The following TTC16 variants were observed in gnomAD, a reference collection of about 807,000 sequenced individuals.
TTC16 encodes tetratricopeptide repeat domain 16, also known as tetratricopeptide repeat protein 16.
Under a neutral mutation model 80.4 loss-of-function variants are expected in TTC16, and 66 were observed. The ratio of observed to expected loss-of-function variants is 0.82; its 90% CI spans 0.67 to 1.01. TTC16 has a LOEUF of 1.01. Ranked by LOEUF, TTC16 falls within the 50% of genes least tolerant of loss-of-function variation. The probability of loss-of-function intolerance (pLI) is 0.00; values close to 1 mark genes in which losing one functional copy is unlikely to be tolerated. For missense variants in TTC16, 1,070 were observed against 1,103.2 expected (o/e 0.97, Z 0.43); for synonymous variants, 438 against 451.3 (o/e 0.97, Z 0.37).
At chr9:127,723,024 G>A in intron 6 of TTC16, 95 bp from the exon 7 acceptor site, 2 of 1,250,646 alleles carry the variant, frequency 1.6e-6, no homozygotes, top group South Asian at 1.3e-5. Context: ...GGGCACGGAG[G>A]AGGCATGGTG....
At position 127,723,175 on chromosome 9, in the gene TTC16, G is replaced by A. The variant is rs143100425; in HGVS notation, c.714G>A (p.Pro238=). 5.6e-5 allele frequency: 90 copies of A among 1,612,522 alleles called. No individual in the cohort carries two copies. Among genetic ancestry groups the A allele is most frequent in the Middle Eastern group, 3.3e-4 (2 of 6,072 alleles). The change falls in exon 7 of 14, where the codon CCG becomes CCA. Residue 238 remains proline (P), a synonymous_variant. Coordinates refer to ENST00000373289, the MANE Select transcript of TTC16 (RefSeq NM_144965.3). The part of the protein sequence containing the change: ...HSALLLNPKH[P]QARMLLQKMV... ...CCTTGCTGTTGAATCCCAAGCACCC[G>A]CAGGCCAGGATGCTGCTCCAGAAGA...
At chr9:127,716,362 C>T in intron 1 of TTC16, 199 bp downstream of exon 1, 1 of 762,618 alleles carries the variant, frequency 1.3e-6, no homozygotes, top group South Asian at 1.7e-5. Flanking sequence ...AGGTCTCTGG[C>T]TTGGGTAGCT....
Position 127,730,942 on chromosome 9 carries a change from C to A in TTC16, c.2159C>A (p.Ser720Tyr), listed in dbSNP as rs1412981018. 1.2e-6 allele frequency: 2 copies of A among 1,613,518 alleles called. No homozygotes were observed. The highest frequency in any genetic ancestry group is 1.7e-6 in the Non-Finnish European group (2 of 1,179,968). Residue 720 changes from serine to tyrosine, a missense_variant, in exon 14 of 14, where the codon TCC becomes TAC. Coordinates refer to ENST00000373289, the MANE Select transcript of TTC16 (RefSeq NM_144965.3). Reference sequence around the variant, plus strand: ...GCCACCCAAAGCCAGAGGCGGAACTCCAGCAAGACCAGGGCCACCCAGGGC... The same window carrying A: ...GCCACCCAAAGCCAGAGGCGGAACTACAGCAAGACCAGGGCCACCCAGGGC... ...TKATQSQRRN[S>Y]SKTRATQGQG...
At chr9:127,721,784 A>G (rs906221850) in intron 6 of TTC16, among the ~76,000 whole-genome samples, 6 of 151,852 alleles carry the variant, frequency 4.0e-5, no homozygotes, top group Admixed American at 1.3e-4. Context: ...GCTCACCACA[A>G]CCTCTACCGG....
intron 12 of TTC16, chr9:127,729,377 G>A (rs1436288215): frequency 7.4e-6 from 4 of 543,248 alleles, no homozygotes; most frequent in South Asian, 2.3e-5. Flanking sequence ...CCGTTCTCAC[G>A]GCACCATGCC....
chr9:127,720,759 C>G (rs1366135838), intron 6 of TTC16, among the ~76,000 whole-genome samples: 1 of 150,988 alleles, frequency 6.6e-6, no homozygotes, highest in East Asian at 2.0e-4. Context: ...AAGCCACACA[C>G]CAGGGCACCC....
At position 127,717,384 on chromosome 9, in the gene TTC16, T is replaced by C. The variant is rs1246550240; in HGVS notation, c.242T>C (p.Val81Ala). 6.2e-7 allele frequency: 1 copy of C among 1,613,212 alleles called. No individual in the cohort carries two copies. Reference protein sequence around the residue: ...CLEQADWETAVLLFSRALHLD... With the variant: ...CLEQADWETAALLFSRALHLD... The stretch of plus-strand genomic sequence containing the variant: ...GAGCAGGCAGACTGGGAGACAGCTG[T>C]GCTGCTCTTCTCCCGCGCACTCCAC... The change falls in exon 3 of 14, where the codon GTG becomes GCG. Residue 81 changes from valine (V) to alanine (A), a missense_variant. By Grantham distance (64) the Val-to-Ala change is moderately conservative. Coordinates refer to ENST00000373289, the MANE Select transcript of TTC16 (RefSeq NM_144965.3).
rs1171819786 is a variant in TTC16 at position 127,716,900 on chromosome 9, T to C, written c.75T>C (p.Ile25=). The C allele has an allele frequency of 6.2e-7, 1 of 1,613,990 alleles. No homozygotes were observed. ...GGGACATCCCAAAGCCATGGGTGATTCCAGCCCCCAAAGGGATCCTGCAGC... is the reference window on the plus strand; with the variant it reads ...GGGACATCCCAAAGCCATGGGTGATCCCAGCCCCCAAAGGGATCCTGCAGC... ...PSRDIPKPWV[I]PAPKGILQHI... Residue 25 remains isoleucine, a synonymous_variant, in exon 2 of 14, where the codon ATT becomes ATC. Transcript: ENST00000373289.
chr9:127,717,346 CCAGCA>C lies in TTC16; in HGVS notation c.205_209del (p.Gln69ValfsTer33). 1 of 1,611,342 alleles carries C rather than the reference CCAGCA, an allele frequency of 6.2e-7. No homozygotes were observed. ...ACTTTCCCCACAGCTACTCCAGAGGCCAGCAGTGCTTGGAGCAGGCAGACTGGGAG... is the reference window on the plus strand; with the variant it reads ...ACTTTCCCCACAGCTACTCCAGAGGCGTGCTTGGAGCAGGCAGACTGGGAG... On this transcript the variant is annotated frameshift_variant, in exon 3 of 14. Transcript: ENST00000373289. LOFTEE classifies it high-confidence loss of function.
intron 7 of TTC16, 116 bp downstream of exon 7, chr9:127,723,449 T>A: frequency 2.0e-6 from 2 of 998,408 alleles, no homozygotes; most frequent in Non-Finnish European, 3.0e-6. Flanking sequence ...AGCTAGCCTC[T>A]AACAGTCTTT....
chr9:127,730,475 G>A, intron 13 of TTC16, 161 bp from the exon 14 acceptor site: 1 of 1,068,830 alleles, frequency 9.4e-7, no homozygotes, highest in Admixed American at 2.9e-5. Flanking sequence ...TCAGGGTCTG[G>A]GTCGCTGGGG....
rs751408787 is a variant in TTC16 at position 127,727,387 on chromosome 9, G to A, written c.1686G>A (p.Pro562=). 5.6e-6 allele frequency: 9 copies of A among 1,611,450 alleles called. No individual in the cohort carries two copies. The highest frequency in any genetic ancestry group is 1.1e-5 in the South Asian group (1 of 90,814). ...SEELKATPEI[P]QVKPGSSEGE... ...AGCTGAAGGCCACCCCTGAGATTCC[G>A]CAGGTAAAACCGGGAAGCTCAGAGG... The change falls in exon 12 of 14, where the codon CCG becomes CCA. Residue 562 remains proline (P), a synonymous_variant. Transcript: ENST00000373289.
At position 127,723,184 on chromosome 9, in the gene TTC16, G is replaced by A. The variant is rs1843637626; in HGVS notation, c.723G>A (p.Arg241=). ...TGAATCCCAAGCACCCGCAGGCCAG[G>A]ATGCTGCTCCAGAAGATGGTGGCCC... ...LLLNPKHPQA[R]MLLQKMVAQA... Residue 241 remains arginine, a synonymous_variant, in exon 7 of 14, where the codon AGG becomes AGA. Transcript: ENST00000373289. 9 of 1,612,698 alleles carry A rather than the reference G, an allele frequency of 5.6e-6. No homozygotes were observed. The highest frequency in any genetic ancestry group is 6.8e-6 in the Non-Finnish European group (8 of 1,180,034).
rs369545979 is a variant in TTC16, at chr9:127,723,268, C to T, written c.807C>T (p.His269=). The change falls in exon 7 of 14, where the codon CAC becomes CAT. Residue 269 remains histidine (H), a synonymous_variant. Transcript: ENST00000373289. ...GILAVQGKLQ[H]ALQRINRAIE... is the part of the protein sequence containing the mutation. ...TGGCTGTGCAGGGCAAGCTGCAGCA[C>T]GCACTGCAGCGGATCAACCGTGCCA... 1.7e-5 allele frequency: 28 copies of T among 1,612,968 alleles called. No homozygotes were observed. In the African/African-American group the frequency reaches 2.3e-4, roughly 13 times the overall value.
chr9:127,726,822 C>T, intron 10 of TTC16, 148 bp from the exon 11 acceptor site: 1 of 421,840 alleles, frequency 2.4e-6, no homozygotes. Flanking sequence ...AAAAAAAAAA[C>T]AAACAAGCAA....
In TTC16 at chr9:127,718,046, G is replaced by A. The variant is rs1418142642; in HGVS notation, c.426+274G>A. Among the ~76,000 whole-genome samples, 1 of 152,204 alleles carries A rather than the reference G, an allele frequency of 6.6e-6. No individual in the cohort carries two copies. The highest frequency in any genetic ancestry group is 1.5e-5 in the Non-Finnish European group (1 of 68,036). On this transcript the variant is annotated intron_variant, in intron 4 of 13. Transcript: ENST00000373289. This position sits in a 1 kb window ranked among gnomAD's most constrained non-coding sequence, Gnocchi z 4.6. Reference sequence around the variant, plus strand: ...GTTGAGCCCTTGAAATGTGGCAAGTGTGACTAAAGAACTGAATTTTATATC... The same window carrying A: ...GTTGAGCCCTTGAAATGTGGCAAGTATGACTAAAGAACTGAATTTTATATC...
Position 127,727,427 on chromosome 9 carries a change from C to A in TTC16, c.1726C>A (p.Pro576Thr). The A allele has an allele frequency of 3.1e-6, 5 of 1,605,792 alleles. No individual in the cohort carries two copies. The highest frequency in any genetic ancestry group is 4.2e-6 in the Non-Finnish European group (5 of 1,176,800). Residue 576 changes from proline to threonine, a missense_variant, in exon 12 of 14, where the codon CCT (proline) becomes ACT (threonine). Transcript: ENST00000373289. ...AAGCTCAGAGGGAGAGGCTGAGGCC[C>A]CTGAGGAGGAGGAAGAAAAGGAGAA... is the stretch of plus-strand genomic sequence containing the variant. ...PGSSEGEAEAPEEEEEKEKEK... is the reference protein window; with the variant it reads ...PGSSEGEAEATEEEEEKEKEK...
At chr9:127,729,366 A>G in intron 12 of TTC16, 4 of 540,582 alleles carry the variant, frequency 7.4e-6, no homozygotes, top group South Asian at 2.3e-5. Flanking sequence ...CTTCAACACA[A>G]CCGTTCTCAC....
At position 127,723,148 on chromosome 9, in the gene TTC16, C is replaced by T. The variant is rs754934651; in HGVS notation, c.687C>T (p.Ser229=). ...KPHLCYRDLH[S]ALLLNPKHPQ... ...ACCTCTGCTACCGGGACCTGCACAG[C>T]GCCTTGCTGTTGAATCCCAAGCACC... Residue 229 remains serine, a synonymous_variant, in exon 7 of 14, where the codon AGC becomes AGT. Transcript: ENST00000373289. 2.8e-5 allele frequency: 45 copies of T among 1,612,260 alleles called. No individual in the cohort carries two copies. Among genetic ancestry groups the T allele is most frequent in the Non-Finnish European group, 3.4e-5 (40 of 1,180,022 alleles).
Sources: gnomAD v4.1 joint callset for allele counts (sites outside exome capture counted in the v4.1 genomes callset) on GRCh38, gnomAD v4.1.1 for gene constraint, Gnocchi (gnomAD v3.1) non-coding constraint, MANE v1.5 for transcripts, NCBI Gene and HGNC (gene_info 2026-07-23, HGNC 2026-07-21) for gene names.